ATRX: variants seen among roughly 807,000 people sequenced by gnomAD.
ATRX encodes chromatin remodeler ATRX.
In ATRX, 12 loss-of-function variants were observed where a neutral mutation model predicts 172.6. That is an observed-to-expected ratio of 0.07 (90% CI 0.04 to 0.11). The LOEUF (loss-of-function observed/expected upper bound fraction) is 0.11, where lower values mean the gene tolerates loss of function less well. ATRX is among the 10% of genes least tolerant of loss of function. The pLI is 1.00. For missense variants in ATRX, 1,368 were observed against 1,767.4 expected (o/e 0.77, Z 4.05); for synonymous variants, 674 against 594.7 (o/e 1.13, Z -1.94).
intron 1 of ATRX, among the ~76,000 whole-genome samples, chrX:77,779,692 C>T (rs1225003903): frequency 8.9e-6 from 1 of 112,525 alleles, no homozygotes; most frequent in African/African-American, 3.2e-5. Flanking sequence ...ATAACCCTAA[C>T]ACAGTGCCAT....
chrX:77,589,513 A>G (rs1167507750), intron 27 of ATRX, among the ~76,000 whole-genome samples: 1 of 111,789 alleles, frequency 8.9e-6, no homozygotes, highest in Non-Finnish European at 1.9e-5. Flanking sequence ...ATTTTTCTTA[A>G]GTTGATATTA....
intron 30 of ATRX, among the ~76,000 whole-genome samples, chrX:77,556,426 G>C (rs1446808953): frequency 1.2e-4 from 10 of 86,306 alleles, no homozygotes; most frequent in Admixed American, 7.7e-4. Context: ...GGGGGAGAGA[G>C]GGGGAGGGGA....
At chrX:77,538,230 AAC>A (rs34675782) in intron 30 of ATRX, among the ~76,000 whole-genome samples, 1,031 of 95,493 alleles carry the variant, frequency 0.011, 7 homozygotes, top group South Asian at 0.042. Flanking sequence ...TACACACACA[AAC>A]ACACACACAC....
chrX:77,599,594 A>C lies in ATRX; in HGVS notation c.5787-14T>G, dbSNP rs1569528789. On this transcript the variant is annotated splice_polypyrimidine_tract_variant and intron_variant, in intron 24 of 34. Transcript: ENST00000373344. Reference sequence around the variant, plus strand: ...TTTTTCTTCTTTCTAAAAACAAACAAACAAACAAACAAAAAAACACATTCA... The same window carrying C: ...TTTTTCTTCTTTCTAAAAACAAACACACAAACAAACAAAAAAACACATTCA... 1 of 1,206,460 alleles carries C rather than the reference A, an allele frequency of 8.3e-7. No individual in the cohort carries two copies. The highest frequency in any genetic ancestry group is 1.1e-6 in the Non-Finnish European group (1 of 893,080).
At chrX:77,625,817 G>C (rs2067809296) in intron 19 of ATRX, among the ~76,000 whole-genome samples, 1 of 109,011 alleles carries the variant, frequency 9.2e-6, no homozygotes, top group African/African-American at 3.3e-5. Flanking sequence ...AGCCGCTATG[G>C]AAAACAGTGT....
chrX:77,577,331 C>A, intron 27 of ATRX, among the ~76,000 whole-genome samples: 1 of 111,480 alleles, frequency 9.0e-6, no homozygotes, highest in East Asian at 2.8e-4. Context: ...GGTGGTATCT[C>A]ATTACAGTTT....
intron 25 of ATRX, among the ~76,000 whole-genome samples, chrX:77,598,710 T>G (rs2066557356): frequency 8.9e-6 from 1 of 112,157 alleles, no homozygotes; most frequent in Non-Finnish European, 1.9e-5. Context: ...GCTGCACTAG[T>G]AGGATACAGT....
chrX:77,742,470 G>A (rs1301612379), intron 1 of ATRX, among the ~76,000 whole-genome samples: 1 of 111,850 alleles, frequency 8.9e-6, no homozygotes, highest in African/African-American at 3.3e-5. Flanking sequence ...GGAACTGTGA[G>A]ACCCTGGAGG....
At chrX:77,733,706 TAAAAAAAAAAAAA>T (rs1244088795) in intron 1 of ATRX, among the ~76,000 whole-genome samples, 3 of 33,038 alleles carry the variant, frequency 9.1e-5, no homozygotes, top group Non-Finnish European at 1.5e-4. Context: ...CCATCTATGC[TAAAAAAAAAAAAA>T]AAAAAAAAAA....
At chrX:77,620,186 C>T (rs2067521136) in intron 20 of ATRX, among the ~76,000 whole-genome samples, 1 of 112,060 alleles carries the variant, frequency 8.9e-6, no homozygotes, top group African/African-American at 3.2e-5. Context: ...TTCACAATAG[C>T]GTATCTCTTA....
At chrX:77,676,768 C>T (rs905970340) in intron 9 of ATRX, among the ~76,000 whole-genome samples, 25 of 112,455 alleles carry the variant, frequency 2.2e-4, no homozygotes, top group African/African-American at 8.1e-4. Context: ...CCCAGAGATA[C>T]AGTTCAGTAC....
chrX:77,521,591 C>T (rs1173246324), intron 32 of ATRX, 93 bp from the exon 33 acceptor site: 15 of 666,690 alleles, frequency 2.2e-5, no homozygotes, highest in East Asian at 3.4e-5. Flanking sequence ...TTAGAGCAGT[C>T]GGTTTTAAAA....
rs1043025842 is a variant in ATRX, at chrX:77,607,083, G to A, written c.5567-6519C>T. Among the ~76,000 whole-genome samples, 3 of 111,664 alleles carry A rather than the reference G, an allele frequency of 2.7e-5. No individual in the cohort carries two copies. The South Asian group carries it at 1.1e-3, about 42-fold the overall frequency. ...GCTCTAAGATCTTGAACACAACAAG[G>A]ATGCCCACTTTCATTACTGTTATTC... On this transcript the variant is annotated intron_variant, in intron 22 of 34. Coordinates refer to ENST00000373344, the MANE Select transcript of ATRX (RefSeq NM_000489.6).
chrX:77,710,445 G>C (rs1419586587), intron 2 of ATRX, among the ~76,000 whole-genome samples: 7 of 110,901 alleles, frequency 6.3e-5, no homozygotes, highest in African/African-American at 2.3e-4. Flanking sequence ...ATTCACATTA[G>C]GGATTCAGCA....
Position 77,762,346 on chromosome X carries a change from TAGAAG to T in ATRX, c.20+23631_20+23635del, listed in dbSNP as rs199913338. Among the ~76,000 whole-genome samples the T allele has an allele frequency of 5.4e-3, 554 of 102,512 alleles. 10 individuals are homozygous for T. Among genetic ancestry groups the T allele is most frequent in the East Asian group, 0.044 (142 of 3,232 alleles). 89.0% of individuals were successfully genotyped at this position (102,512 alleles called of 115,157 possible). Reference sequence around the variant, plus strand: ...AAAAAAAAGATACACATTGACTCACTAGAAGAGATTTTTTTTAAAGACTGCAATAA... The same window carrying T: ...AAAAAAAAGATACACATTGACTCACTAGATTTTTTTTAAAGACTGCAATAA... On this transcript the variant is annotated intron_variant, in intron 1 of 34. Coordinates refer to ENST00000373344, the MANE Select transcript of ATRX (RefSeq NM_000489.6).
At chrX:77,635,681 C>T (rs2068314831) in intron 16 of ATRX, among the ~76,000 whole-genome samples, 1 of 112,396 alleles carries the variant, frequency 8.9e-6, no homozygotes, top group South Asian at 3.7e-4. Flanking sequence ...CTATATCTAC[C>T]CATTTGTAAG....
chrX:77,741,305 G>A (rs934866246), intron 1 of ATRX, among the ~76,000 whole-genome samples: 1 of 111,393 alleles, frequency 9.0e-6, no homozygotes, highest in Non-Finnish European at 1.9e-5. Flanking sequence ...TCTTCATTGG[G>A]TTTTCTTTTC....
chrX:77,521,488 T>C lies in ATRX; in HGVS notation c.6986A>G (p.Asn2329Ser). Residue 2329 changes from asparagine to serine, a missense_variant, in exon 33 of 35, where the codon AAT becomes AGT. By Grantham distance (46) the Asn-to-Ser change is conservative. Coordinates refer to ENST00000373344, the MANE Select transcript of ATRX (RefSeq NM_000489.6). Reference sequence around the variant, plus strand: ...TTCTACAACTTTTTCTCTTCCTTGATTAATGAGGTCCTAGAAGAATGCAAG... The same window carrying C: ...TTCTACAACTTTTTCTCTTCCTTGACTAATGAGGTCCTAGAAGAATGCAAG... ...MSNQQLEDLI[N>S]QGREKVVEAT... is the part of the protein sequence containing the mutation. The C allele has an allele frequency of 8.4e-7, 1 of 1,197,600 alleles. No individual in the cohort carries two copies. The highest frequency in any genetic ancestry group is 1.7e-5 in the African/African-American group (1 of 57,488).
chrX:77,741,431 CCTT>C (rs1358947306), intron 1 of ATRX, among the ~76,000 whole-genome samples: 6 of 106,243 alleles, frequency 5.6e-5, no homozygotes, highest in Non-Finnish European at 9.7e-5. Context: ...TTGATAGTGA[CCTT>C]TTTTTTGGGG....
Sources: allele counts gnomAD v4.1 joint callset (sites outside exome capture counted in the v4.1 genomes callset), GRCh38; gene constraint gnomAD v4.1.1; transcripts MANE v1.5; gene names NCBI Gene and HGNC (gene_info 2026-07-23, HGNC 2026-07-21).